The following CDV3 variants were observed in gnomAD, a reference collection of about 807,000 sequenced individuals.
CDV3 encodes the protein CDV3 homolog.
A neutral mutation model predicts 24.5 loss-of-function variants in CDV3; 14 were observed. The observed-to-expected ratio is 0.57, with a 90% CI of 0.38 to 0.89. The LOEUF is 0.89. Ranked by LOEUF, CDV3 falls within the 40% of genes least tolerant of loss-of-function variation. CDV3 has a pLI of 0.00. For synonymous variants in CDV3, 114 were observed against 114.1 expected (o/e 1.00, Z 0.00); for missense variants, 304 against 310.2 (o/e 0.98, Z 0.15).
intron 3 of CDV3, among the ~76,000 whole-genome samples, chr3:133,585,643 C>T (rs996619139): frequency 6.6e-6 from 1 of 151,768 alleles, no homozygotes; most frequent in African/African-American, 2.4e-5. Context: ...TACAGGCGTG[C>T]ACCACCATGC....
chr3:133,580,424 C>T (rs377109064), intron 2 of CDV3, among the ~76,000 whole-genome samples: 37 of 152,186 alleles, frequency 2.4e-4, no homozygotes, highest in African/African-American at 7.2e-4. Flanking sequence ...TTCTTTTGGC[C>T]GGGCACAGTG....
At position 133,588,398 on chromosome 3, in the gene CDV3, C is replaced by T; in HGVS notation, c.*352C>T. ...TTGACTACCTCAGATTTGCTGCACT[C>T]ATTGTGGACTTCATGTGGATCACAA... On this transcript the variant is annotated 3_prime_UTR_variant, in exon 5 of 5. Transcript: ENST00000264993. 1 of 1,529,522 alleles carries T rather than the reference C, an allele frequency of 6.5e-7. No individual in the cohort carries two copies. Among genetic ancestry groups the T allele is most frequent in the Non-Finnish European group, 8.8e-7 (1 of 1,140,902 alleles). 94.7% of individuals were successfully genotyped at this position (1,529,522 alleles called of 1,614,324 possible). A position where few individuals can be genotyped will look rare whatever the true frequency, so the allele number is the denominator to read the frequency against.
At chr3:133,577,645 C>CCT (rs1000645512) in intron 2 of CDV3, among the ~76,000 whole-genome samples, 5 of 152,184 alleles carry the variant, frequency 3.3e-5, no homozygotes. Context: ...CAGGCATGAG[C>CCT]CTCTGAGCCC....
chr3:133,578,871 A>G (rs1477403138), intron 2 of CDV3, among the ~76,000 whole-genome samples: 1 of 152,232 alleles, frequency 6.6e-6, no homozygotes, highest in Non-Finnish European at 1.5e-5. Flanking sequence ...GTAAAGAGAT[A>G]AGGCTGTTCT....
chr3:133,576,829 A>AAGG (rs1163584367), intron 2 of CDV3, among the ~76,000 whole-genome samples: 1 of 103,628 alleles, frequency 9.6e-6, no homozygotes, highest in African/African-American at 3.6e-5. Flanking sequence ...GTTCAACCTG[A>AAGG]AGGTAGACTA....
chr3:133,585,375 T>G (rs898330280), intron 3 of CDV3, among the ~76,000 whole-genome samples: 3 of 152,158 alleles, frequency 2.0e-5, no homozygotes, highest in Non-Finnish European at 4.4e-5. Flanking sequence ...TCTTTTTGTT[T>G]TGTTTGTTTT....
Position 133,584,109 on chromosome 3 carries a change from A to G in CDV3, c.425A>G (p.Asn142Ser), listed in dbSNP as rs1180683636. Reference sequence around the variant, plus strand: ...ATGGAAAAATCTTCAGGTCCCTGGAATAAAACAGCTCCAGTACAAGCACCT... The same window carrying G: ...ATGGAAAAATCTTCAGGTCCCTGGAGTAAAACAGCTCCAGTACAAGCACCT... ...GGMEKSSGPW[N>S]KTAPVQAPPA... Residue 142 changes from asparagine to serine, a missense_variant, in exon 3 of 5, where the codon AAT becomes AGT. Transcript: ENST00000264993. 1 of 1,613,334 alleles carries G rather than the reference A, an allele frequency of 6.2e-7. No individual in the cohort carries two copies. The highest frequency in any genetic ancestry group is 8.5e-7 in the Non-Finnish European group (1 of 1,179,346).
At chr3:133,576,014 G>A (rs961022993) in intron 2 of CDV3, among the ~76,000 whole-genome samples, 12 of 152,222 alleles carry the variant, frequency 7.9e-5, no homozygotes, top group Non-Finnish European at 1.3e-4. Flanking sequence ...TGAGTGCGAG[G>A]CACAGTGGAG....
rs1933649619 is a variant in CDV3 at position 133,586,793 on chromosome 3, T to A, written c.626+71T>A. The A allele has an allele frequency of 2.7e-5, 24 of 891,626 alleles. No homozygotes were observed. The South Asian group carries it at 2.9e-4, about 11-fold the overall frequency. 55.2% of individuals were successfully genotyped at this position (891,626 alleles called of 1,614,324 possible). A position where few individuals can be genotyped will look rare whatever the true frequency, so the allele number is the denominator to read the frequency against. Reference sequence around the variant, plus strand: ...AGGCCAGGGAGTGGGATATAGGGGATGTGCATACCCACCCAAGGGAGAGAC... The same window carrying A: ...AGGCCAGGGAGTGGGATATAGGGGAAGTGCATACCCACCCAAGGGAGAGAC... On this transcript the variant is annotated intron_variant, in intron 4 of 4. Transcript: ENST00000264993.
At chr3:133,576,841 CTTTTTTTTTT>C (rs370619351) in intron 2 of CDV3, among the ~76,000 whole-genome samples, 1 of 62,388 alleles carries the variant, frequency 1.6e-5, no homozygotes, top group Non-Finnish European at 2.8e-5. Context: ...GGTAGACTAG[CTTTTTTTTTT>C]TTTTTTTTTT....
chr3:133,582,872 T>C (rs1026103859), intron 2 of CDV3, among the ~76,000 whole-genome samples: 2 of 152,228 alleles, frequency 1.3e-5, no homozygotes, highest in Admixed American at 6.5e-5. Flanking sequence ...GATTTAGCCA[T>C]TATTGTGCTT....
chr3:133,588,512 A>G lies in CDV3; in HGVS notation c.*466A>G, dbSNP rs1933831702. The G allele has an allele frequency of 4.8e-6, 4 of 827,048 alleles. No homozygotes were observed. Among genetic ancestry groups the G allele is most frequent in the Admixed American group, 5.1e-5 (2 of 39,456 alleles). The allele number at this position is 827,048 out of a possible 1,614,324, so 51.2% of individuals were successfully genotyped here. ...ATTCTTATCAGAAATCCTGCATAAAAAGTCAGCCATCTGGGTTCTGATCTG... is the reference window on the plus strand; with the variant it reads ...ATTCTTATCAGAAATCCTGCATAAAGAGTCAGCCATCTGGGTTCTGATCTG... On this transcript the variant is annotated 3_prime_UTR_variant, in exon 5 of 5. Coordinates refer to ENST00000264993, the MANE Select transcript of CDV3 (RefSeq NM_017548.5).
chr3:133,584,704 C>G (rs561022475), intron 3 of CDV3, among the ~76,000 whole-genome samples: 9 of 152,208 alleles, frequency 5.9e-5, no homozygotes, highest in African/African-American at 2.2e-4. Flanking sequence ...TTTAACTTTC[C>G]TGTTCTTTGA....
chr3:133,577,399 T>C (rs2074857218), intron 2 of CDV3, among the ~76,000 whole-genome samples: 1 of 151,774 alleles, frequency 6.6e-6, no homozygotes, highest in African/African-American at 2.4e-5. Context: ...TCGCTCTTGT[T>C]GCACAGGCTG....
At position 133,589,962 on chromosome 3, in the gene CDV3, A is replaced by G. The variant is rs1933954439; in HGVS notation, c.*1916A>G. On this transcript the variant is annotated 3_prime_UTR_variant, in exon 5 of 5. Coordinates refer to ENST00000264993, the MANE Select transcript of CDV3 (RefSeq NM_017548.5). ...GTGCATTTTCCCTGCATTTTTTCCC[A>G]ACAAAATTTTGTTGGGGGTTATGTT... is the stretch of plus-strand genomic sequence containing the variant. 6.6e-6 allele frequency: 1 copy of G among 152,198 alleles called. No homozygotes were observed. The highest frequency in any genetic ancestry group is 2.4e-5 in the African/African-American group (1 of 41,452). 9.4% of individuals were successfully genotyped at this position (152,198 alleles called of 1,614,324 possible).
rs1484833664 is a variant in CDV3 at position 133,590,076 on chromosome 3, C to G, written c.*2030C>G. ...GAAGACCTGCAGCAGATTTAAATTA[C>G]AACTCTTGTTATAACTTTTTAAAAG... On this transcript the variant is annotated 3_prime_UTR_variant, in exon 5 of 5. Coordinates refer to ENST00000264993, the MANE Select transcript of CDV3 (RefSeq NM_017548.5). The G allele has an allele frequency of 6.6e-6, 1 of 152,144 alleles. No homozygotes were observed. The highest frequency in any genetic ancestry group is 1.5e-5 in the Non-Finnish European group (1 of 68,036). 9.4% of individuals were successfully genotyped at this position (152,144 alleles called of 1,614,324 possible).
At chr3:133,577,229 C>T (rs1383237482) in intron 2 of CDV3, among the ~76,000 whole-genome samples, 4 of 152,100 alleles carry the variant, frequency 2.6e-5, no homozygotes, top group African/African-American at 9.7e-5. Context: ...AGGTATTCCA[C>T]TAACCTGCAA....
rs1484026612 is a variant in CDV3 at position 133,589,810 on chromosome 3, A to G, written c.*1764A>G. The G allele has an allele frequency of 6.6e-6, 1 of 152,298 alleles. No individual in the cohort carries two copies. Among genetic ancestry groups the G allele is most frequent in the African/African-American group, 2.4e-5 (1 of 41,450 alleles). The allele number at this position is 152,298 out of a possible 1,614,324, so 9.4% of individuals were successfully genotyped here. On this transcript the variant is annotated 3_prime_UTR_variant, in exon 5 of 5. Transcript: ENST00000264993. The stretch of plus-strand genomic sequence containing the variant: ...AGGCAGGATGCCTGCCTTCTAATAT[A>G]TTTGGGTGAGTAACTGAGCCAGCCA...
intron 4 of CDV3, chr3:133,587,031 G>T: frequency 2.0e-6 from 1 of 494,292 alleles, no homozygotes; most frequent in Non-Finnish European, 3.5e-6. Flanking sequence ...TAATTAAGTG[G>T]CTTTTGCTCC....
Sources: gnomAD v4.1 joint callset for allele counts (sites outside exome capture counted in the v4.1 genomes callset) on GRCh38, gnomAD v4.1.1 for gene constraint, MANE v1.5 for transcripts, NCBI Gene and HGNC (gene_info 2026-07-23, HGNC 2026-07-21) for gene names.